The following ZMAT4 variants were observed in gnomAD, a reference collection of about 807,000 sequenced individuals.
ZMAT4 encodes the protein zinc finger matrin-type 4, also known as zinc finger matrin-type protein 4.
In ZMAT4, 17 loss-of-function variants were observed where a neutral mutation model predicts 28.7. The ratio of observed to expected loss-of-function variants is 0.59; its 90% confidence interval spans 0.41 to 0.89. ZMAT4 has a LOEUF of 0.89. ZMAT4 is among the 40% of genes least tolerant of loss of function. The probability of loss-of-function intolerance (pLI) is 0.00; values close to 1 mark genes in which losing one functional copy is unlikely to be tolerated. For missense variants in ZMAT4, 240 were observed against 283.8 expected, an observed-to-expected ratio of 0.85 and a Z score of 1.11; for synonymous variants, 117 against 109.2, an observed-to-expected ratio of 1.07 and a Z score of -0.44.
intron 5 of ZMAT4, among the ~76,000 whole-genome samples, chr8:40,637,043 A>G (rs1002905849): frequency 6.6e-6 from 1 of 151,950 alleles, no homozygotes; most frequent in Admixed American, 6.6e-5. Context: ...AAGTTCCAAA[A>G]AGAAGATGAG....
chr8:40,682,862 T>C (rs781250700), intron 4 of ZMAT4, among the ~76,000 whole-genome samples: 4 of 152,218 alleles, frequency 2.6e-5, no homozygotes, highest in Non-Finnish European at 4.4e-5. Flanking sequence ...CTAAATATTG[T>C]AAGTATGCCT....
At chr8:40,562,067 C>T (rs1421910981) in intron 6 of ZMAT4, among the ~76,000 whole-genome samples, 3 of 152,172 alleles carry the variant, frequency 2.0e-5, no homozygotes, top group Non-Finnish European at 4.4e-5. Flanking sequence ...CTACTTTGGA[C>T]GATACGTCTT....
chr8:40,582,630 A>G (rs1485626221), intron 5 of ZMAT4, among the ~76,000 whole-genome samples: 1 of 152,224 alleles, frequency 6.6e-6, no homozygotes, highest in Non-Finnish European at 1.5e-5. Context: ...AGGCAAAGTT[A>G]TTCCTCTTTT....
At chr8:40,696,644 T>C (rs980362817) in intron 4 of ZMAT4, among the ~76,000 whole-genome samples, 8 of 152,312 alleles carry the variant, frequency 5.3e-5, no homozygotes, top group African/African-American at 1.7e-4. Flanking sequence ...AGGTTTTACT[T>C]GTGAAAGTTA....
chr8:40,650,038 G>A (rs74673952), intron 5 of ZMAT4, among the ~76,000 whole-genome samples: 151,524 of 152,090 alleles, frequency 1, 75,485 homozygotes, highest in Middle Eastern at 1. Context: ...AAGCAAACAC[G>A]TTCAAAAGCT....
At chr8:40,636,201 C>T (rs1806785143) in intron 5 of ZMAT4, among the ~76,000 whole-genome samples, 1 of 152,218 alleles carries the variant, frequency 6.6e-6, no homozygotes, top group Non-Finnish European at 1.5e-5. Flanking sequence ...CGTAAGCACA[C>T]ATACACATAT....
chr8:40,709,769 T>C (rs1442293243), intron 3 of ZMAT4, among the ~76,000 whole-genome samples: 1 of 152,176 alleles, frequency 6.6e-6, no homozygotes, highest in Non-Finnish European at 1.5e-5. Context: ...CCGGGCGTGG[T>C]GGCTCATGCC....
intron 6 of ZMAT4, among the ~76,000 whole-genome samples, chr8:40,574,645 C>T (rs146178430): frequency 6.6e-6 from 1 of 152,274 alleles, no homozygotes; most frequent in African/African-American, 2.4e-5. Context: ...TTGGCAAAAT[C>T]CTTGTGGAGC....
At position 40,855,929 on chromosome 8, in the gene ZMAT4, G is replaced by A. The variant is rs535424175; in HGVS notation, c.-4-30249C>T. On this transcript the variant is annotated intron_variant, in intron 1 of 6. Transcript: ENST00000297737. ...TGGTCTCCAACTCCTGAGCTCAAGC[G>A]ATCCACCCACCTCGACCTCCCAAAG... is the stretch of plus-strand genomic sequence containing the variant. Among the ~76,000 whole-genome samples the A allele has an allele frequency of 1.7e-3, 265 of 151,742 alleles. 1 individual carries two copies. The highest frequency in any genetic ancestry group is 6.1e-3 in the African/African-American group (254 of 41,350).
Position 40,599,590 on chromosome 8 carries a change from G to A in ZMAT4, c.578-18329C>T, listed in dbSNP as rs192210507. ...AAAATAGAGGAACACATTACCTGAT[G>A]AAATACCATCTTAAGGAAATGTCAG... On this transcript the variant is annotated intron_variant, in intron 5 of 6. Coordinates refer to ENST00000297737, the MANE Select transcript of ZMAT4 (RefSeq NM_024645.3). Among the ~76,000 whole-genome samples the A allele has an allele frequency of 4.6e-3, 700 of 152,326 alleles. 3 individuals carry two copies. The highest frequency in any genetic ancestry group is 0.014 in the Middle Eastern group (4 of 294).
intron 1 of ZMAT4, among the ~76,000 whole-genome samples, chr8:40,838,846 A>G (rs888553711): frequency 6.6e-5 from 10 of 152,128 alleles, no homozygotes; most frequent in Admixed American, 6.6e-4. Context: ...CGGGACATGA[A>G]GGCAATTGGA....
intron 5 of ZMAT4, among the ~76,000 whole-genome samples, chr8:40,614,117 C>T (rs376415778): frequency 3.9e-5 from 6 of 152,256 alleles, no homozygotes; most frequent in East Asian, 3.9e-4. Context: ...TATTGCTTTG[C>T]GTCTTTCTTT....
intron 5 of ZMAT4, among the ~76,000 whole-genome samples, chr8:40,672,690 T>G (rs1050928179): frequency 6.6e-6 from 1 of 152,190 alleles, no homozygotes; most frequent in Non-Finnish European, 1.5e-5. Context: ...TCATAATAAC[T>G]GGCACCAAAC....
chr8:40,804,616 A>T (rs947449978), intron 2 of ZMAT4, among the ~76,000 whole-genome samples: 2 of 152,150 alleles, frequency 1.3e-5, no homozygotes, highest in Admixed American at 1.3e-4. Context: ...CAAAGTGGGC[A>T]GATCACCTGA....
chr8:40,601,623 AAAG>A (rs1805358495), intron 5 of ZMAT4, among the ~76,000 whole-genome samples: 1 of 26,464 alleles, frequency 3.8e-5, no homozygotes, highest in Non-Finnish European at 1.1e-4. Flanking sequence ...AGAAAGAAAG[AAAG>A]AAAGAAAGAG....
intron 3 of ZMAT4, among the ~76,000 whole-genome samples, chr8:40,749,438 C>T (rs1812369456): frequency 6.6e-6 from 1 of 152,170 alleles, no homozygotes; most frequent in African/African-American, 2.4e-5. Flanking sequence ...CCCAACTTGA[C>T]CCCAGGGGAG....
chr8:40,633,356 G>A (rs1287202824), intron 5 of ZMAT4, among the ~76,000 whole-genome samples: 1 of 152,184 alleles, frequency 6.6e-6, no homozygotes, highest in Non-Finnish European at 1.5e-5. Flanking sequence ...TCCCCGATAA[G>A]TGGGAAACCC....
At chr8:40,618,926 C>T (rs1049816748) in intron 5 of ZMAT4, among the ~76,000 whole-genome samples, 8 of 152,130 alleles carry the variant, frequency 5.3e-5, no homozygotes, top group African/African-American at 1.9e-4. Flanking sequence ...GGAAATTAGA[C>T]AGGTAAGTTT....
chr8:40,650,206 A>G (rs963198317), intron 5 of ZMAT4, among the ~76,000 whole-genome samples: 6 of 152,346 alleles, frequency 3.9e-5, no homozygotes, highest in African/African-American at 1.4e-4. Context: ...AAAAGAGGGA[A>G]GAATCAAATA....
Sources: allele counts gnomAD v4.1 joint callset (sites outside exome capture counted in the v4.1 genomes callset), GRCh38; gene constraint gnomAD v4.1.1; transcripts MANE v1.5; gene names NCBI Gene and HGNC (gene_info 2026-07-23, HGNC 2026-07-21).